Variants in AFAP1L2 observed in about 807,000 individuals in gnomAD.
AFAP1L2 encodes the protein actin filament-associated protein 1-like 2.
AFAP1L2 carries 46 observed loss-of-function variants against 99.3 expected under a neutral mutation model. The ratio of observed to expected loss-of-function variants is 0.46; its 90% CI spans 0.37 to 0.59. The LOEUF is 0.59. Ranked by LOEUF, AFAP1L2 falls within the 20% of genes least tolerant of loss-of-function variation. AFAP1L2 has a pLI of 0.00. For missense variants in AFAP1L2, 959 were observed against 1,034.9 expected (o/e 0.93, Z 1.01); for synonymous variants, 397 against 419.1 (o/e 0.95, Z 0.64).
intron 1 of AFAP1L2, among the ~76,000 whole-genome samples, chr10:114,378,912 T>C (rs896182015): frequency 3.3e-5 from 5 of 151,932 alleles, no homozygotes; most frequent in African/African-American, 9.7e-5. Flanking sequence ...CGGGACTAAA[T>C]ATACTATTTT....
At chr10:114,283,782 A>G in the AFAP1L2 span, among the ~76,000 whole-genome samples, 1 of 152,240 alleles carries the variant, frequency 6.6e-6, no homozygotes, top group Non-Finnish European at 1.5e-5. Context: ...CGTCGATCTC[A>G]GTGAGCCCCC....
At chr10:114,292,853 G>A (rs1221031409), downstream of AFAP1L2, among the ~76,000 whole-genome samples, 2 of 151,990 alleles carry the variant, frequency 1.3e-5, no homozygotes, top group African/African-American at 4.8e-5. Context: ...TTAGAGGCAG[G>A]TGCCACCATG....
At chr10:114,344,043 C>T (rs984955161) in intron 1 of AFAP1L2, among the ~76,000 whole-genome samples, 3 of 152,184 alleles carry the variant, frequency 2.0e-5, no homozygotes, top group African/African-American at 4.8e-5. Context: ...GAGGAGGGAC[C>T]ATAATCTAGC....
chr10:114,360,704 C>T (rs1290428940), intron 1 of AFAP1L2, among the ~76,000 whole-genome samples: 2 of 152,168 alleles, frequency 1.3e-5, no homozygotes, highest in African/African-American at 4.8e-5. Flanking sequence ...AAATGTTACA[C>T]AGTTGGAAAT....
Position 114,295,979 on chromosome 10 carries a change from A to T in AFAP1L2, c.*63T>A. ...CACCCTTTCGCATAGTTTTTGCTTT[A>T]ACAAAGCAGGATTGTCACCAAGGTC... On this transcript the variant is annotated 3_prime_UTR_variant, in exon 19 of 19. Transcript: ENST00000304129. 6.2e-7 allele frequency: 1 copy of T among 1,613,468 alleles called. No homozygotes were observed. The highest frequency in any genetic ancestry group is 8.5e-7 in the Non-Finnish European group (1 of 1,179,672).
At chr10:114,384,733 C>T (rs574196633) in intron 1 of AFAP1L2, among the ~76,000 whole-genome samples, 2 of 152,366 alleles carry the variant, frequency 1.3e-5, no homozygotes, top group East Asian at 3.9e-4. Context: ...CACAGCCTAG[C>T]CCACGGCCTA....
At position 114,301,341 on chromosome 10, in the gene AFAP1L2, G is replaced by A. The variant is rs1473407096; in HGVS notation, c.1542+13C>T. 3.7e-6 allele frequency: 6 copies of A among 1,606,974 alleles called. No individual in the cohort carries two copies. The highest frequency in any genetic ancestry group is 5.1e-6 in the Non-Finnish European group (6 of 1,173,632). ...CTGGAGAGGCCCAGGCCACTGCCTG[G>A]CCGGGTCCTTACCGCAGCTGTGAGC... On this transcript the variant is annotated intron_variant, in intron 13 of 18. Coordinates refer to ENST00000304129, the MANE Select transcript of AFAP1L2 (RefSeq NM_001001936.3).
At chr10:114,343,591 C>T (rs150599462) in intron 1 of AFAP1L2, among the ~76,000 whole-genome samples, 2 of 152,192 alleles carry the variant, frequency 1.3e-5, no homozygotes. Context: ...CACCAGAGTG[C>T]AGGGCAGAGA....
At chr10:114,331,745 A>G in intron 4 of AFAP1L2, 58 bp downstream of exon 4, 1 of 1,210,886 alleles carries the variant, frequency 8.3e-7, no homozygotes, top group Non-Finnish European at 1.1e-6. Flanking sequence ...CTGTGGAGAC[A>G]ACTGGAAGTT....
At chr10:114,315,250 G>A (rs761936738) in intron 6 of AFAP1L2, among the ~76,000 whole-genome samples, 36 of 146,370 alleles carry the variant, frequency 2.5e-4, no homozygotes, top group Non-Finnish European at 3.8e-4. Context: ...TGTGAAAAAG[G>A]ACCAGGGGAC....
At chr10:114,350,583 C>T (rs1161723867) in intron 1 of AFAP1L2, among the ~76,000 whole-genome samples, 2 of 152,188 alleles carry the variant, frequency 1.3e-5, no homozygotes, top group Non-Finnish European at 2.9e-5. Context: ...TCCAGTAGAC[C>T]TGGGCAAAGG....
intron 12 of AFAP1L2, chr10:114,301,954 C>A: frequency 3.8e-6 from 1 of 263,912 alleles, no homozygotes. Context: ...CCCTAGTTTG[C>A]TCATCTGGAA....
In AFAP1L2 at chr10:114,378,197, G is replaced by A. The variant is rs551873391; in HGVS notation, c.16+26243C>T. On this transcript the variant is annotated intron_variant, in intron 1 of 18. Transcript: ENST00000304129. ...AGACAGCGGCTTACAATTCTTTTCC[G>A]CTTCAATGCTAAGCATGTTTCTAAA... 2.7e-3 allele frequency among the ~76,000 whole-genome samples: 417 copies of A among 152,270 alleles called. 2 individuals carry two copies. The highest frequency in any genetic ancestry group is 9.6e-3 in the African/African-American group (398 of 41,558).
At chr10:114,332,624 T>G (rs2047404099) in intron 3 of AFAP1L2, among the ~76,000 whole-genome samples, 1 of 152,242 alleles carries the variant, frequency 6.6e-6, no homozygotes. Context: ...CTGCGTCTTC[T>G]GCAACTAGGC....
chr10:114,295,929 C>CTT lies in AFAP1L2; in HGVS notation c.*111_*112dup. 6.3e-7 allele frequency: 1 copy of CTT among 1,598,070 alleles called. No homozygotes were observed. The highest frequency in any genetic ancestry group is 8.5e-7 in the Non-Finnish European group (1 of 1,170,820). On this transcript the variant is annotated 3_prime_UTR_variant, in exon 19 of 19. Transcript: ENST00000304129. ...AGCTCTCCATTCACAGTACCTCAGTCTTTGCTTTTTCTTCTAAACAGACTC... is the reference window on the plus strand; with the variant it reads ...AGCTCTCCATTCACAGTACCTCAGTCTTTTTGCTTTTTCTTCTAAACAGACTC...
chr10:114,349,806 C>T (rs149241387), intron 1 of AFAP1L2, among the ~76,000 whole-genome samples: 1 of 18,030 alleles, frequency 5.5e-5, no homozygotes, highest in Non-Finnish European at 1.0e-4. Context: ...CAAGAAATGG[C>T]GAGGGGGGCG....
chr10:114,330,208 C>A (rs2047030909), intron 4 of AFAP1L2, among the ~76,000 whole-genome samples: 2 of 152,192 alleles, frequency 1.3e-5, no homozygotes, highest in Non-Finnish European at 2.9e-5. Context: ...CCCTTCCCCC[C>A]AGGAAGGCAC....
chr10:114,366,296 AT>A (rs2053240075), intron 1 of AFAP1L2, among the ~76,000 whole-genome samples: 1 of 152,154 alleles, frequency 6.6e-6, no homozygotes, highest in Non-Finnish European at 1.5e-5. Flanking sequence ...CTTGGTAGGG[AT>A]TCTGGGAAGA....
chr10:114,319,776 T>C (rs17586071), intron 5 of AFAP1L2: 44,201 of 510,684 alleles, frequency 0.087, 2,285 homozygotes, highest in South Asian at 0.15. Flanking sequence ...CCACCAGAGG[T>C]TAGTGCTTGC....
Sources: gnomAD v4.1 joint callset for allele counts (sites outside exome capture counted in the v4.1 genomes callset) on GRCh38, gnomAD v4.1.1 for gene constraint, MANE v1.5 for transcripts, NCBI Gene and HGNC (gene_info 2026-07-23, HGNC 2026-07-21) for gene names.